Variants in LHFPL4 observed in about 807,000 individuals in gnomAD.
The protein encoded by LHFPL4 is LHFPL tetraspan subfamily member 4 protein.
In LHFPL4, 6 loss-of-function variants were observed where a neutral mutation model predicts 20.0. That is an observed-to-expected ratio of 0.30 (90% CI 0.16 to 0.59). The LOEUF is 0.59. LHFPL4 is among the 20% of genes least tolerant of loss of function. The pLI, the probability that LHFPL4 is intolerant of heterozygous loss-of-function variation, is 0.88. For synonymous variants in LHFPL4, 129 were observed against 143.8 expected, an observed-to-expected ratio of 0.90 and a Z score of 0.74; for missense variants, 215 against 331.2, an observed-to-expected ratio of 0.65 and a Z score of 2.72.
chr3:9,504,434 G>A (rs111872521), intron 3 of LHFPL4, among the ~76,000 whole-genome samples: 28 of 150,122 alleles, frequency 1.9e-4, no homozygotes, highest in African/African-American at 4.6e-4. Context: ...ATACCTCCAC[G>A]CTCCAGCTCA....
chr3:9,529,620 G>A (rs923355630), intron 2 of LHFPL4, among the ~76,000 whole-genome samples: 6 of 151,880 alleles, frequency 4.0e-5, no homozygotes, highest in African/African-American at 1.5e-4. Context: ...TATTTTGAAA[G>A]GAATCTTTTA....
At chr3:9,509,418 T>C (rs2125656239) in intron 2 of LHFPL4, among the ~76,000 whole-genome samples, 1 of 152,256 alleles carries the variant, frequency 6.6e-6, no homozygotes, top group Non-Finnish European at 1.5e-5. Flanking sequence ...TTATCCTCTC[T>C]TTTTGCCTCT....
In LHFPL4 at chr3:9,506,243, A is replaced by G. The variant is rs2125655323; in HGVS notation, c.407-40T>C. The G allele has an allele frequency of 1.3e-6, 2 of 1,540,744 alleles. No individual in the cohort carries two copies. The highest frequency in any genetic ancestry group is 2.2e-5 in the East Asian group (1 of 44,506). On this transcript the variant is annotated intron_variant, in intron 2 of 3. Coordinates refer to ENST00000287585, the MANE Select transcript of LHFPL4 (RefSeq NM_198560.3). The surrounding 1 kb of genome is among the most constrained non-coding windows in gnomAD (Gnocchi z 4.5). ...ACCGGGCCCACCACCACGGTCAGGAAGGAAGAGAAAAGACCATTACTCGCT... is the reference window on the plus strand; with the variant it reads ...ACCGGGCCCACCACCACGGTCAGGAGGGAAGAGAAAAGACCATTACTCGCT...
chr3:9,508,383 C>G (rs2046234261), intron 2 of LHFPL4, among the ~76,000 whole-genome samples: 3 of 152,202 alleles, frequency 2.0e-5, no homozygotes, highest in Admixed American at 2.0e-4. Flanking sequence ...ATTATCCACT[C>G]CAGTGGAACT....
intron 2 of LHFPL4, among the ~76,000 whole-genome samples, chr3:9,534,160 T>C (rs2046429595): frequency 6.6e-6 from 1 of 151,414 alleles, no homozygotes; most frequent in South Asian, 2.1e-4. Context: ...GAGGTTGCAG[T>C]GACCTGAGAT....
Position 9,501,874 on chromosome 3 carries a change from C to G in LHFPL4, c.*337G>C. 1 of 268,438 alleles carries G rather than the reference C, an allele frequency of 3.7e-6. No homozygotes were observed. 16.6% of individuals were successfully genotyped at this position (268,438 alleles called of 1,614,324 possible). ...CTCCAGACTGAGGGGGCCTGGGGAG[C>G]TGGAACTACAGCTCCGCTCTCCCTG... On this transcript the variant is annotated 3_prime_UTR_variant, in exon 4 of 4. Coordinates refer to ENST00000287585, the MANE Select transcript of LHFPL4 (RefSeq NM_198560.3).
intron 2 of LHFPL4, among the ~76,000 whole-genome samples, chr3:9,548,224 A>G (rs2125668341): frequency 6.6e-6 from 1 of 152,340 alleles, no homozygotes; most frequent in Non-Finnish European, 1.5e-5. Context: ...TCTCACCTAT[A>G]CAATATGAAT....
In LHFPL4 at chr3:9,505,952, C is replaced by G. The variant is rs551215644; in HGVS notation, c.643+15G>C. 5 of 1,612,366 alleles carry G rather than the reference C, an allele frequency of 3.1e-6. No individual in the cohort carries two copies. Among genetic ancestry groups the G allele is most frequent in the African/African-American group, 2.7e-5 (2 of 74,892 alleles). On this transcript the variant is annotated intron_variant, in intron 3 of 3. Coordinates refer to ENST00000287585, the MANE Select transcript of LHFPL4 (RefSeq NM_198560.3). ...CTGGCTCCCGCCGCTGCCCCCCAGC[C>G]CACAGCACACTCGCCTTTGTTCTCC...
chr3:9,514,885 T>C (rs2046287866), intron 2 of LHFPL4, among the ~76,000 whole-genome samples: 3 of 152,220 alleles, frequency 2.0e-5, no homozygotes, highest in Admixed American at 1.3e-4. Flanking sequence ...ATGCCATAGT[T>C]TATTTATACA....
At chr3:9,545,049 G>C (rs531132797) in intron 2 of LHFPL4, among the ~76,000 whole-genome samples, 1 of 152,218 alleles carries the variant, frequency 6.6e-6, no homozygotes, top group South Asian at 2.1e-4. Context: ...GGCTAGCACA[G>C]TGCCTGACAC....
intron 2 of LHFPL4, among the ~76,000 whole-genome samples, chr3:9,533,413 T>C (rs1386615745): frequency 6.6e-6 from 1 of 152,248 alleles, no homozygotes; most frequent in Non-Finnish European, 1.5e-5. Flanking sequence ...TGCAACAACC[T>C]GGATGAATCT....
rs530782436 is a variant in LHFPL4, at chr3:9,498,918, G to A, written c.*3293C>T. 2 of 152,542 alleles carry A rather than the reference G, an allele frequency of 1.3e-5. No individual in the cohort carries two copies. Among genetic ancestry groups the A allele is most frequent in the East Asian group, 1.9e-4 (1 of 5,186 alleles). 9.4% of individuals were successfully genotyped at this position (152,542 alleles called of 1,614,324 possible). A position where few individuals can be genotyped will look rare whatever the true frequency, so the allele number is the denominator to read the frequency against. On this transcript the variant is annotated 3_prime_UTR_variant, in exon 4 of 4. Coordinates refer to ENST00000287585, the MANE Select transcript of LHFPL4 (RefSeq NM_198560.3). ...TTCATGGGTACCGGTCCCCAAAGAC[G>A]AAAGTTTTCATAGCCCCGGTTCCCA...
At chr3:9,534,962 A>C (rs1173616609) in intron 2 of LHFPL4, among the ~76,000 whole-genome samples, 1 of 152,120 alleles carries the variant, frequency 6.6e-6, no homozygotes, top group Non-Finnish European at 1.5e-5. Context: ...AAGACGAAAA[A>C]GATGAGGAGG....
At position 9,501,200 on chromosome 3, in the gene LHFPL4, C is replaced by G. The variant is rs2046169900; in HGVS notation, c.*1011G>C. 6.5e-6 allele frequency: 1 copy of G among 152,762 alleles called. No individual in the cohort carries two copies. Among genetic ancestry groups the G allele is most frequent in the South Asian group, 2.1e-4 (1 of 4,836 alleles). 9.5% of individuals were successfully genotyped at this position (152,762 alleles called of 1,614,324 possible). A position where few individuals can be genotyped will look rare whatever the true frequency, so the allele number is the denominator to read the frequency against. ...AAAAGTATCAAAGAGACAAGACAGT[C>G]TCTGCCCTTGGTAGACGCCTGGGGT... On this transcript the variant is annotated 3_prime_UTR_variant, in exon 4 of 4. Transcript: ENST00000287585.
At chr3:9,509,435 A>G (rs1199888209) in intron 2 of LHFPL4, among the ~76,000 whole-genome samples, 1 of 151,938 alleles carries the variant, frequency 6.6e-6, no homozygotes. Flanking sequence ...CTCTCACTTC[A>G]TAGATCCCAC....
chr3:9,521,644 CTGCCTGCCTTG>C (rs1317056716), intron 2 of LHFPL4, among the ~76,000 whole-genome samples: 5 of 151,938 alleles, frequency 3.3e-5, no homozygotes, highest in Non-Finnish European at 1.5e-5. Flanking sequence ...ACTTTGTGAT[CTGCCTGCCTTG>C]GCCTCCCAAA....
At chr3:9,537,506 A>G (rs967702567) in intron 2 of LHFPL4, among the ~76,000 whole-genome samples, 2 of 152,162 alleles carry the variant, frequency 1.3e-5, no homozygotes, top group African/African-American at 4.8e-5. Context: ...AGGAGTCCAC[A>G]GCCTGTTAAT....
intron 2 of LHFPL4, among the ~76,000 whole-genome samples, chr3:9,522,995 C>G (rs962245877): frequency 1.5e-5 from 2 of 133,904 alleles, no homozygotes; most frequent in Non-Finnish European, 3.1e-5. Context: ...GAGCCGAGAT[C>G]GTGCCACTGC....
intron 2 of LHFPL4, among the ~76,000 whole-genome samples, chr3:9,529,792 C>A: frequency 6.6e-6 from 1 of 151,966 alleles, no homozygotes; most frequent in Non-Finnish European, 1.5e-5. Context: ...GCCACCACAC[C>A]TGGCTAATTT....
Sources: allele counts gnomAD v4.1 joint callset (sites outside exome capture counted in the v4.1 genomes callset), GRCh38; gene constraint gnomAD v4.1.1; non-coding constraint Gnocchi (gnomAD v3.1); transcripts MANE v1.5; gene names NCBI Gene and HGNC (gene_info 2026-07-23, HGNC 2026-07-21).